Variants in ZNG1F observed in about 807,000 individuals in gnomAD.
ZNG1F encodes the protein Zn regulated GTPase metalloprotein activator 1F, also known as zinc-regulated GTPase metalloprotein activator 1F.
chr9:41,173,945 G>A, the ZNG1F span, among the ~76,000 whole-genome samples: 14 of 148,678 alleles, frequency 9.4e-5, 3 homozygotes, highest in African/African-American at 3.5e-4. Flanking sequence ...AAAGAGGCAG[G>A]GTGTGGTGGC....
the ZNG1F span, among the ~76,000 whole-genome samples, chr9:41,137,003 T>G: frequency 1.2e-5 from 1 of 85,010 alleles, no homozygotes; most frequent in Non-Finnish European, 2.4e-5. Flanking sequence ...CAATTTCATT[T>G]AATTCCGCTC....
At chr9:41,146,180 G>T in the ZNG1F span, among the ~76,000 whole-genome samples, 1 of 145,450 alleles carries the variant, frequency 6.9e-6, no homozygotes, top group African/African-American at 2.6e-5. Flanking sequence ...AGATTCTCCT[G>T]TTTAGCAGTT....
At chr9:41,141,618 GTTTA>G in the ZNG1F span, among the ~76,000 whole-genome samples, 96 of 98,062 alleles carry the variant, frequency 9.8e-4, 1 homozygote, top group African/African-American at 3.4e-3. Flanking sequence ...ACTCAGGTTT[GTTTA>G]TTTAGTCCGT....
chr9:41,144,367 C>T, the ZNG1F span, among the ~76,000 whole-genome samples: 1 of 78,390 alleles, frequency 1.3e-5, no homozygotes, highest in Non-Finnish European at 2.9e-5. Flanking sequence ...TGACAGATAC[C>T]GACTATCATA....
At chr9:41,185,666 C>T in the ZNG1F span, among the ~76,000 whole-genome samples, 1 of 151,778 alleles carries the variant, frequency 6.6e-6, no homozygotes, top group African/African-American at 2.4e-5. Context: ...AGAGAGACTC[C>T]ATCTCAAAAA....
chr9:41,204,339 T>TTGGACAC, the ZNG1F span, among the ~76,000 whole-genome samples: 3 of 134,692 alleles, frequency 2.2e-5, no homozygotes, highest in East Asian at 7.1e-4. Context: ...TCTAGCCCTG[T>TTGGACAC]TGGACACTTG....
At chr9:41,134,433 CTTT>C in the ZNG1F span, among the ~76,000 whole-genome samples, 1 of 79,826 alleles carries the variant, frequency 1.3e-5, no homozygotes. Flanking sequence ...TATTTTTCTT[CTTT>C]ATCTTGATAA....
At chr9:41,200,458 AT>A in the ZNG1F span, among the ~76,000 whole-genome samples, 1 of 73,392 alleles carries the variant, frequency 1.4e-5, no homozygotes, top group African/African-American at 4.7e-5. Context: ...CACTATCAGC[AT>A]TTTGGGCAAA....
At chr9:41,154,737 A>G in the ZNG1F span, among the ~76,000 whole-genome samples, 7 of 150,104 alleles carry the variant, frequency 4.7e-5, no homozygotes, top group African/African-American at 1.7e-4. Context: ...CAAACCTGAG[A>G]AAAACAAGCA....
the ZNG1F span, chr9:41,134,006 GA>G: frequency 2.0e-6 from 1 of 497,622 alleles, no homozygotes; most frequent in African/African-American, 2.0e-5. Flanking sequence ...AAACCCTGAT[GA>G]AAGGGTCCTC....
chr9:41,171,719 C>G, the ZNG1F span: 1 of 324,118 alleles, frequency 3.1e-6, no homozygotes, highest in South Asian at 2.4e-5. Flanking sequence ...CCACTGCACT[C>G]CAGCCTGGGC....
At chr9:41,155,971 C>G in the ZNG1F span, among the ~76,000 whole-genome samples, 2 of 131,964 alleles carry the variant, frequency 1.5e-5, no homozygotes, top group African/African-American at 5.7e-5. Flanking sequence ...TACCCTAAAA[C>G]TTAAATAATA....
the ZNG1F span, among the ~76,000 whole-genome samples, chr9:41,138,844 T>G: frequency 1.5e-5 from 2 of 131,948 alleles, no homozygotes; most frequent in Admixed American, 7.7e-5. Context: ...TTATTTATGC[T>G]ATCTAGTTCA....
chr9:41,154,857 G>C, the ZNG1F span, among the ~76,000 whole-genome samples: 1 of 149,690 alleles, frequency 6.7e-6, no homozygotes, highest in Non-Finnish European at 1.5e-5. Context: ...ATCAATTCAA[G>C]ATGGATTAAA....
At chr9:41,184,012 C>T in the ZNG1F span, among the ~76,000 whole-genome samples, 22,152 of 148,704 alleles carry the variant, frequency 0.15, 944 homozygotes, top group Middle Eastern at 0.23. Flanking sequence ...GTTTTATATA[C>T]TGGATTCTGT....
chr9:41,165,011 T>G, the ZNG1F span: 2 of 1,587,896 alleles, frequency 1.3e-6, 1 homozygote, highest in African/African-American at 2.7e-5. Context: ...CTAAGTGTCG[T>G]TCTTAATTTC....
chr9:41,203,221 A>G, the ZNG1F span, among the ~76,000 whole-genome samples: 1 of 152,184 alleles, frequency 6.6e-6, no homozygotes, highest in Non-Finnish European at 1.5e-5. Flanking sequence ...TCCCTGATGC[A>G]GTTAATAAGT....
the ZNG1F span, among the ~76,000 whole-genome samples, chr9:41,141,264 T>C: frequency 6.6e-6 from 1 of 151,218 alleles, no homozygotes; most frequent in Non-Finnish European, 1.5e-5. Context: ...TCACAACTCA[T>C]AGTTGGTTCT....
At chr9:41,166,242 A>C in the ZNG1F span, among the ~76,000 whole-genome samples, 1 of 135,832 alleles carries the variant, frequency 7.4e-6, no homozygotes, top group Non-Finnish European at 1.6e-5. Context: ...TACTAAAATA[A>C]AATAAAATAA....
Sources: gnomAD v4.1 joint callset for allele counts (sites outside exome capture counted in the v4.1 genomes callset) on GRCh38, gnomAD v4.1.1 for gene constraint, MANE v1.5 for transcripts, NCBI Gene and HGNC (gene_info 2026-07-23, HGNC 2026-07-21) for gene names.